The following ZMYND8 variants were observed in gnomAD, a reference collection of about 807,000 sequenced individuals.
ZMYND8 encodes the protein MYND-type zinc finger-containing chromatin reader ZMYND8.
In ZMYND8, 37 loss-of-function variants were observed where a neutral mutation model predicts 140.8. The ratio of observed to expected loss-of-function variants is 0.26; its 90% CI spans 0.20 to 0.35. The LOEUF (loss-of-function observed/expected upper bound fraction) is 0.35. Among genes scored for constraint, ZMYND8 ranks in the 10% least tolerant of loss-of-function variants. The pLI, the probability that ZMYND8 is intolerant of heterozygous loss-of-function variation, is 1.00. For missense variants in ZMYND8, 1,068 were observed against 1,570.0 expected (o/e 0.68, Z 5.40); for synonymous variants, 592 against 597.1 (o/e 0.99, Z 0.12).
At chr20:47,344,700 A>G (rs955289463) in intron 2 of ZMYND8, among the ~76,000 whole-genome samples, 1 of 152,262 alleles carries the variant, frequency 6.6e-6, no homozygotes, top group African/African-American at 2.4e-5. Flanking sequence ...TATGATGTTA[A>G]TAATAGAAGA....
At chr20:47,313,579 A>G (rs553559227) in intron 2 of ZMYND8, among the ~76,000 whole-genome samples, 26 of 152,024 alleles carry the variant, frequency 1.7e-4, no homozygotes, top group African/African-American at 1.9e-4. Flanking sequence ...CCAAGATCGC[A>G]CCACTGCACT....
chr20:47,236,787 A>T (rs1330484823), intron 15 of ZMYND8, among the ~76,000 whole-genome samples: 3 of 152,166 alleles, frequency 2.0e-5, no homozygotes, highest in African/African-American at 7.2e-5. Context: ...ACTGCCTGGG[A>T]AAACTCAATG....
chr20:47,328,165 G>A (rs2148422146), intron 2 of ZMYND8, among the ~76,000 whole-genome samples: 1 of 152,278 alleles, frequency 6.6e-6, no homozygotes, highest in East Asian at 1.9e-4. Context: ...CAGGACAGGG[G>A]AAGCAGAGAA....
intron 12 of ZMYND8, among the ~76,000 whole-genome samples, chr20:47,255,588 GTGTGTGTA>G (rs1441977909): frequency 4.4e-5 from 2 of 45,152 alleles, no homozygotes; most frequent in African/African-American, 2.2e-4. Flanking sequence ...GTGTGTGTGT[GTGTGTGTA>G]TATATATATA....
chr20:47,225,587 G>T (rs111601946), intron 18 of ZMYND8, among the ~76,000 whole-genome samples: 5 of 77,318 alleles, frequency 6.5e-5, no homozygotes, highest in Admixed American at 1.2e-4. Flanking sequence ...GGGAGGGGAA[G>T]GAAGGGGAAG....
chr20:47,279,681 T>C (rs1258267984), intron 10 of ZMYND8, among the ~76,000 whole-genome samples: 1 of 151,552 alleles, frequency 6.6e-6, no homozygotes, highest in African/African-American at 2.4e-5. Flanking sequence ...ATTGATAAAA[T>C]AGACATAAAA....
At chr20:47,277,240 C>T (rs1465181088) in intron 10 of ZMYND8, among the ~76,000 whole-genome samples, 4 of 152,240 alleles carry the variant, frequency 2.6e-5, no homozygotes, top group Non-Finnish European at 5.9e-5. Flanking sequence ...AAAGGAGGTA[C>T]ATGTTTTTGA....
chr20:47,236,654 C>A, intron 15 of ZMYND8, 138 bp from the exon 16 acceptor site: 4 of 880,398 alleles, frequency 4.5e-6, no homozygotes, highest in Non-Finnish European at 4.9e-6. Context: ...TCCCCTTGAC[C>A]AAACTCTATC....
intron 2 of ZMYND8, among the ~76,000 whole-genome samples, chr20:47,339,836 C>T (rs1243545158): frequency 2.6e-5 from 4 of 152,144 alleles, no homozygotes; most frequent in African/African-American, 7.2e-5. Flanking sequence ...TAGCCATAAC[C>T]TTCTATCTTT....
chr20:47,225,924 G>A (rs1427018944), intron 18 of ZMYND8, among the ~76,000 whole-genome samples: 1 of 152,040 alleles, frequency 6.6e-6, no homozygotes, highest in Non-Finnish European at 1.5e-5. Flanking sequence ...GCTAAGGTGG[G>A]TGGATCGCTT....
chr20:47,353,701 A>G (rs370745887), intron 1 of ZMYND8: 1 of 152,218 alleles, frequency 6.6e-6, no homozygotes, highest in African/African-American at 2.4e-5. Flanking sequence ...TTGGGGACTG[A>G]GGAGGCAGAA....
chr20:47,212,540 GAC>G, intron 22 of ZMYND8, 100 bp downstream of exon 22: 2 of 1,324,866 alleles, frequency 1.5e-6, no homozygotes, highest in South Asian at 1.2e-5. Context: ...AACAGGAGAA[GAC>G]ACACCCACAA....
At chr20:47,222,866 C>T (rs569108202) in intron 19 of ZMYND8, among the ~76,000 whole-genome samples, 4 of 152,366 alleles carry the variant, frequency 2.6e-5, no homozygotes, top group African/African-American at 9.6e-5. Context: ...TATTGGCAGA[C>T]AGCCACATCC....
In ZMYND8 at chr20:47,342,502, G is replaced by A. The variant is rs535429691; in HGVS notation, c.85+5354C>T. On this transcript the variant is annotated intron_variant, in intron 2 of 22. Transcript: ENST00000471951. ...GTGGAGGTTGCAGTGAGCCAAGATCGCGCCAACTGCACTCCAGCCTGGGAG... is the reference window on the plus strand; with the variant it reads ...GTGGAGGTTGCAGTGAGCCAAGATCACGCCAACTGCACTCCAGCCTGGGAG... Among the ~76,000 whole-genome samples, 251 of 147,922 alleles carry A rather than the reference G, an allele frequency of 1.7e-3. 1 individual carries two copies. Among genetic ancestry groups the A allele is most frequent in the Middle Eastern group, 7.7e-3 (2 of 260 alleles).
Position 47,246,308 on chromosome 20 carries a change from C to G in ZMYND8, c.1984G>C (p.Val662Leu). The change falls in exon 14 of 23, where the codon GTG (valine) becomes CTG (leucine). Residue 662 changes from valine (V) to leucine (L), a missense_variant. Val to Leu is a conservative substitution (Grantham distance 32). Transcript: ENST00000471951. ...VKKKPKPTNPVEIKEELKSTS... is the reference protein window; with the variant it reads ...VKKKPKPTNPLEIKEELKSTS... ...CTTTTCAGCTCCTCTTTAATCTCCA[C>G]TGGGTTTGTAGGCTTGGGCTTTTTT... 2 of 1,614,178 alleles carry G rather than the reference C, an allele frequency of 1.2e-6. No homozygotes were observed. The highest frequency in any genetic ancestry group is 1.7e-6 in the Non-Finnish European group (2 of 1,180,044).
At chr20:47,274,318 T>C (rs2076132661) in intron 11 of ZMYND8, among the ~76,000 whole-genome samples, 1 of 152,236 alleles carries the variant, frequency 6.6e-6, no homozygotes, top group African/African-American at 2.4e-5. Context: ...AGCCTATACA[T>C]TGTGTTTAGC....
At chr20:47,228,453 C>T (rs1487836458) in intron 17 of ZMYND8, among the ~76,000 whole-genome samples, 1 of 152,170 alleles carries the variant, frequency 6.6e-6, no homozygotes, top group Non-Finnish European at 1.5e-5. Context: ...GGCATACATC[C>T]AGACCCCAGG....
intron 16 of ZMYND8, among the ~76,000 whole-genome samples, chr20:47,235,098 C>T (rs1260269027): frequency 6.6e-6 from 1 of 152,182 alleles, no homozygotes; most frequent in Admixed American, 6.5e-5. Flanking sequence ...AAATTATTAA[C>T]TACTTAGTAA....
intron 2 of ZMYND8, chr20:47,319,024 A>G: frequency 1.5e-6 from 2 of 1,351,278 alleles, no homozygotes; most frequent in Non-Finnish European, 2.0e-6. Flanking sequence ...GCTCACCCAC[A>G]GCAGACATTC....
Sources: allele counts gnomAD v4.1 joint callset (sites outside exome capture counted in the v4.1 genomes callset), GRCh38; gene constraint gnomAD v4.1.1; transcripts MANE v1.5; gene names NCBI Gene and HGNC (gene_info 2026-07-23, HGNC 2026-07-21).